The following ATG4A variants were observed in gnomAD, a reference collection of about 807,000 sequenced individuals.
ATG4A encodes autophagy related 4A cysteine peptidase.
A neutral mutation model predicts 38.4 loss-of-function variants in ATG4A; 22 were observed. The ratio of observed to expected loss-of-function variants is 0.57; its 90% CI spans 0.41 to 0.82. The LOEUF (loss-of-function observed/expected upper bound fraction) is 0.82. Ranked by LOEUF, ATG4A falls within the 40% of genes least tolerant of loss-of-function variation. ATG4A has a pLI of 0.00. For missense variants in ATG4A, 220 were observed against 290.0 expected (o/e 0.76, Z 1.75); for synonymous variants, 86 against 100.7 (o/e 0.85, Z 0.88).
At chrX:108,134,507 A>G in intron 6 of ATG4A, 96 bp downstream of exon 6, 3 of 804,333 alleles carry the variant, frequency 3.7e-6, no homozygotes, top group Admixed American at 6.0e-5. Flanking sequence ...TATTCTTGCA[A>G]TCCCGCTAAG....
chrX:108,128,799 C>A lies in ATG4A; in HGVS notation c.140C>A (p.Ser47Tyr), dbSNP rs1464297299. 4.3e-6 allele frequency: 5 copies of A among 1,175,799 alleles called. No individual in the cohort carries two copies. The African/African-American group carries it at 9.0e-5, about 21-fold the overall frequency. Residue 47 changes from serine to tyrosine, a missense_variant, in exon 3 of 13, where the codon TCT becomes TAT. Physicochemically the swap from Ser to Tyr is moderately radical, Grantham distance 144 (BLOSUM62 -2). Transcript: ENST00000372232. ...LLKTEKSKLL[S>Y]DISARLWFTY... The stretch of plus-strand genomic sequence containing the variant: ...ATTACAGAAAAATCTAAGCTGTTGT[C>A]TGATATAAGTGCTCGTCTATGGTTT...
chrX:108,103,910 G>A (rs777349832), intron 1 of ATG4A, among the ~76,000 whole-genome samples: 1 of 111,566 alleles, frequency 9.0e-6, no homozygotes, highest in East Asian at 2.8e-4. Context: ...GCAATGGTGC[G>A]ATCTTAGCTC....
At chrX:108,143,322 A>T (rs2033349670) in intron 9 of ATG4A, among the ~76,000 whole-genome samples, 1 of 111,406 alleles carries the variant, frequency 9.0e-6, no homozygotes, top group African/African-American at 3.3e-5. Context: ...GTCAGTAAAC[A>T]CTTCAGCAGG....
At chrX:108,152,558 A>G (rs745676298) in intron 11 of ATG4A, among the ~76,000 whole-genome samples, 2 of 112,057 alleles carry the variant, frequency 1.8e-5, no homozygotes. Context: ...ATTAGGATAT[A>G]TACCATACAT....
At chrX:108,108,612 A>G (rs183214604) in intron 1 of ATG4A, among the ~76,000 whole-genome samples, 57 of 111,165 alleles carry the variant, frequency 5.1e-4, no homozygotes, top group South Asian at 7.6e-4. Flanking sequence ...AATTGTGGTG[A>G]AAAATATAAA....
At chrX:108,106,140 A>AT (rs745847550) in intron 1 of ATG4A, among the ~76,000 whole-genome samples, 59 of 104,177 alleles carry the variant, frequency 5.7e-4, no homozygotes, top group Middle Eastern at 5.0e-3. Context: ...AGTTCAAGGT[A>AT]TTTTTTTTTT....
At chrX:108,129,778 G>A (rs1368484177) in intron 3 of ATG4A, among the ~76,000 whole-genome samples, 3 of 108,890 alleles carry the variant, frequency 2.8e-5, no homozygotes, top group East Asian at 2.9e-4. Context: ...CACTGTGTTA[G>A]CCAGGATGGT....
intron 9 of ATG4A, among the ~76,000 whole-genome samples, chrX:108,141,071 CATATATATATATAT>C (rs139918190): frequency 2.9e-4 from 10 of 35,048 alleles, no homozygotes; most frequent in African/African-American, 6.3e-4. Context: ...TATATATATA[CATATATATATATAT>C]ATATATATAT....
chrX:108,151,474 C>G (rs780509737), intron 10 of ATG4A, among the ~76,000 whole-genome samples: 77 of 112,212 alleles, frequency 6.9e-4, no homozygotes, highest in African/African-American at 2.2e-3. Context: ...ATTGAATGTT[C>G]TTTGGAGATG....
chrX:108,141,902 G>A (rs994835739), intron 9 of ATG4A, among the ~76,000 whole-genome samples: 1 of 111,284 alleles, frequency 9.0e-6, no homozygotes, highest in African/African-American at 3.3e-5. Context: ...GTGTGGATTG[G>A]GCTTCTAGTA....
chrX:108,141,834 G>A (rs757986858), intron 9 of ATG4A, among the ~76,000 whole-genome samples: 1 of 111,278 alleles, frequency 9.0e-6, no homozygotes, highest in African/African-American at 3.3e-5. Flanking sequence ...AAAAAATTTT[G>A]TTCCAGATTC....
chrX:108,126,006 G>A (rs2032787958), intron 1 of ATG4A, 71 bp from the exon 2 acceptor site: 1 of 681,109 alleles, frequency 1.5e-6, no homozygotes, highest in Non-Finnish European at 2.2e-6. Flanking sequence ...CAGGGTAAAG[G>A]TAATAATCAG....
intron 1 of ATG4A, among the ~76,000 whole-genome samples, chrX:108,121,127 TG>T (rs1410985228): frequency 9.0e-6 from 1 of 111,461 alleles, no homozygotes; most frequent in Non-Finnish European, 1.9e-5. Flanking sequence ...GGTCACAGGG[TG>T]GAAGACAAAT....
chrX:108,144,283 A>G (rs1478003375), intron 9 of ATG4A, among the ~76,000 whole-genome samples: 1 of 112,855 alleles, frequency 8.9e-6, no homozygotes, highest in Non-Finnish European at 1.9e-5. Flanking sequence ...CATTGCATAC[A>G]GGATAGGTAA....
intron 9 of ATG4A, among the ~76,000 whole-genome samples, chrX:108,143,167 T>C (rs1416253238): frequency 8.9e-6 from 1 of 112,340 alleles, no homozygotes; most frequent in Non-Finnish European, 1.9e-5. Context: ...TTAGTACAAG[T>C]GTATACATGC....
At chrX:108,148,020 A>AATATATATATATATATAT (rs60886281) in intron 9 of ATG4A, among the ~76,000 whole-genome samples, 5 of 80,151 alleles carry the variant, frequency 6.2e-5, no homozygotes, top group African/African-American at 4.9e-5. Context: ...ACTAATGGAA[A>AATATATATATATATATAT]ATATATATAT....
At chrX:108,146,155 G>A (rs2033416379) in intron 9 of ATG4A, among the ~76,000 whole-genome samples, 1 of 111,670 alleles carries the variant, frequency 9.0e-6, no homozygotes, top group South Asian at 3.8e-4. Flanking sequence ...AGGGGACCCG[G>A]CCTCCCCTTC....
intron 1 of ATG4A, among the ~76,000 whole-genome samples, chrX:108,098,276 A>G (rs762975917): frequency 8.9e-5 from 10 of 112,070 alleles, no homozygotes; most frequent in Non-Finnish European, 1.9e-4. Context: ...AAACTGTTAC[A>G]GGCTGTTATA....
At chrX:108,103,421 A>G (rs1442734525) in intron 1 of ATG4A, among the ~76,000 whole-genome samples, 1 of 112,454 alleles carries the variant, frequency 8.9e-6, no homozygotes, top group Non-Finnish European at 1.9e-5. Flanking sequence ...GTTCTGTTCC[A>G]TTAATCTATA....
Sources: gnomAD v4.1 joint callset for allele counts (sites outside exome capture counted in the v4.1 genomes callset) on GRCh38, gnomAD v4.1.1 for gene constraint, MANE v1.5 for transcripts, NCBI Gene and HGNC (gene_info 2026-07-23, HGNC 2026-07-21) for gene names.